GALNS: variants seen among roughly 807,000 people sequenced by gnomAD.
The protein encoded by GALNS is N-acetylgalactosamine-6-sulfatase.
In GALNS, 65 loss-of-function variants were observed where a neutral mutation model predicts 65.9. The observed-to-expected ratio is 0.99, with a 90% CI of 0.81 to 1.21. The LOEUF (loss-of-function observed/expected upper bound fraction) is 1.21, where lower values mean the gene tolerates loss of function less well. Ranked by LOEUF, GALNS falls within the 50% of genes most tolerant of loss-of-function variation. The probability of loss-of-function intolerance (pLI) is 0.00; values close to 1 mark genes in which losing one functional copy is unlikely to be tolerated. For missense variants in GALNS, 776 were observed against 700.7 expected (o/e 1.11, Z -1.21); for synonymous variants, 346 against 288.9 (o/e 1.20, Z -2.00).
chr16:88,846,549 T>C (rs1967255105), intron 1 of GALNS, among the ~76,000 whole-genome samples: 1 of 143,094 alleles, frequency 7.0e-6, no homozygotes, highest in Non-Finnish European at 1.5e-5. Context: ...GAAGTCTTGC[T>C]GTTGTCGCCC....
intron 9 of GALNS, among the ~76,000 whole-genome samples, chr16:88,827,279 G>C (rs912124799): frequency 6.6e-6 from 1 of 152,178 alleles, no homozygotes; most frequent in African/African-American, 2.4e-5. Context: ...GAGCAGCTCC[G>C]AGTGGCTGGG....
intron 9 of GALNS, 99 bp downstream of exon 9, chr16:88,831,899 C>T (rs374448991): frequency 1.1e-4 from 105 of 990,294 alleles, no homozygotes; most frequent in Middle Eastern, 6.0e-4. Context: ...AGGATGAGCA[C>T]GGGGTGCATG....
intron 1 of GALNS, among the ~76,000 whole-genome samples, chr16:88,847,399 C>T (rs771482159): frequency 1.3e-5 from 2 of 152,162 alleles, no homozygotes; most frequent in African/African-American, 2.4e-5. Flanking sequence ...AAACCTGCCA[C>T]TTTTCTCCAA....
At chr16:88,849,625 G>A (rs780656776) in intron 1 of GALNS, among the ~76,000 whole-genome samples, 9 of 152,020 alleles carry the variant, frequency 5.9e-5, no homozygotes, top group African/African-American at 1.5e-4. Context: ...GTTTTGCCAC[G>A]TTGCCCAGGC....
intron 10 of GALNS, 66 bp downstream of exon 10, chr16:88,826,636 T>G: frequency 6.4e-7 from 1 of 1,571,872 alleles, no homozygotes; most frequent in Non-Finnish European, 8.7e-7. Context: ...GGGTTGCACC[T>G]GATTAGCAGC....
intron 1 of GALNS, among the ~76,000 whole-genome samples, chr16:88,850,853 A>G (rs942270995): frequency 2.0e-5 from 3 of 152,190 alleles, no homozygotes; most frequent in African/African-American, 2.4e-5. Context: ...TTATGCCCAG[A>G]AGGAGGATGC....
At chr16:88,850,596 C>T (rs991245549) in intron 1 of GALNS, among the ~76,000 whole-genome samples, 1 of 152,210 alleles carries the variant, frequency 6.6e-6, no homozygotes, top group Non-Finnish European at 1.5e-5. Context: ...AGTCCCAGGT[C>T]TTGGCGACAG....
chr16:88,843,472 C>T (rs964934557), intron 1 of GALNS: 14 of 340,898 alleles, frequency 4.1e-5, no homozygotes, highest in South Asian at 1.6e-4. Flanking sequence ...GCGTGTACTA[C>T]GTGGGTGTGG....
intron 5 of GALNS, among the ~76,000 whole-genome samples, 155 bp from the exon 6 acceptor site, chr16:88,836,422 G>C (rs1235462739): frequency 6.6e-6 from 1 of 152,198 alleles, no homozygotes; most frequent in African/African-American, 2.4e-5. Context: ...TTGGGAGGCT[G>C]AGGAAGGTGG....
At chr16:88,816,910 C>A (rs1029354673) in intron 13 of GALNS, 1 of 985,336 alleles carries the variant, frequency 1.0e-6, no homozygotes, top group African/African-American at 1.7e-5. Flanking sequence ...ACGCCCAGCC[C>A]GTGTAAACAG....
chr16:88,831,213 G>C (rs943766807), intron 9 of GALNS, among the ~76,000 whole-genome samples: 1 of 152,018 alleles, frequency 6.6e-6, no homozygotes. Context: ...TCCGAGGAGA[G>C]CGGTGAGGCC....
intron 4 of GALNS, among the ~76,000 whole-genome samples, chr16:88,839,498 G>C (rs1218556227): frequency 6.6e-6 from 1 of 152,220 alleles, no homozygotes; most frequent in Non-Finnish European, 1.5e-5. Flanking sequence ...TGGGACTCAA[G>C]TCCCTGCCCT....
At chr16:88,838,869 C>G (rs572028610) in intron 4 of GALNS, 1 of 152,346 alleles carries the variant, frequency 6.6e-6, no homozygotes, top group East Asian at 1.9e-4. Context: ...TTCACCACAG[C>G]AGATTTCTGC....
rs1909416276 is a variant in GALNS, at chr16:88,814,422, C to T, written c.*17G>A. 6.4e-7 allele frequency: 1 copy of T among 1,554,116 alleles called. No individual in the cohort carries two copies. The highest frequency in any genetic ancestry group is 8.7e-7 in the Non-Finnish European group (1 of 1,148,890). On this transcript the variant is annotated 3_prime_UTR_variant, in exon 14 of 14. Coordinates refer to ENST00000268695, the MANE Select transcript of GALNS (RefSeq NM_000512.5). ...GCCAACCGGAGATTCTAGGCCTGGC[C>T]TGAGTCTGCGCAGGTGCTAGTGGGA...
chr16:88,856,860 C>G lies in GALNS; in HGVS notation c.18G>C (p.Ala6=). Residue 6 remains alanine, a synonymous_variant, in exon 1 of 14, where the codon GCG becomes GCC. Coordinates refer to ENST00000268695, the MANE Select transcript of GALNS (RefSeq NM_000512.5). MAAVV[A]ATRWWQLLLV... ...GCAACAGCTGCCACCACCTCGTCGCCGCGACAACCGCCGCCATGGCAACCA... is the reference window on the plus strand; with the variant it reads ...GCAACAGCTGCCACCACCTCGTCGCGGCGACAACCGCCGCCATGGCAACCA... 1 of 1,509,988 alleles carries G rather than the reference C, an allele frequency of 6.6e-7. No individual in the cohort carries two copies. Among genetic ancestry groups the G allele is most frequent in the Non-Finnish European group, 8.8e-7 (1 of 1,138,062 alleles). The allele number at this position is 1,509,988 out of a possible 1,614,324, so 93.5% of individuals were successfully genotyped here. A position where few individuals can be genotyped will look rare whatever the true frequency, so the allele number is the denominator to read the frequency against.
Position 88,814,005 on chromosome 16 carries a change from G to A in GALNS, c.*434C>T, listed in dbSNP as rs888134137. Reference sequence around the variant, plus strand: ...TGGAAGGCTGACTGAACCAATGTACGCCATACACATACTGATCTTGTGTCT... The same window carrying A: ...TGGAAGGCTGACTGAACCAATGTACACCATACACATACTGATCTTGTGTCT... On this transcript the variant is annotated 3_prime_UTR_variant, in exon 14 of 14. Coordinates refer to ENST00000268695, the MANE Select transcript of GALNS (RefSeq NM_000512.5). 2.4e-5 allele frequency: 7 copies of A among 294,438 alleles called. No homozygotes were observed. Among genetic ancestry groups the A allele is most frequent in the South Asian group, 6.6e-5 (2 of 30,180 alleles). 18.2% of individuals were successfully genotyped at this position (294,438 alleles called of 1,614,324 possible). A position where few individuals can be genotyped will look rare whatever the true frequency, so the allele number is the denominator to read the frequency against.
chr16:88,843,234 T>C (rs1468660675), intron 1 of GALNS: 2 of 1,293,896 alleles, frequency 1.5e-6, no homozygotes, highest in Non-Finnish European at 2.0e-6. Flanking sequence ...CCCTCGTATG[T>C]CTGTACACGT....
At chr16:88,848,641 GC>G (rs982088804) in intron 1 of GALNS, among the ~76,000 whole-genome samples, 2 of 152,018 alleles carry the variant, frequency 1.3e-5, no homozygotes, top group Admixed American at 6.5e-5. Flanking sequence ...CCCTGACACT[GC>G]TGGGTCGGGG....
intron 4 of GALNS, chr16:88,837,987 G>A (rs1032556199): frequency 8.6e-5 from 48 of 555,294 alleles, no homozygotes; most frequent in South Asian, 7.8e-4. Context: ...GGGCACAACC[G>A]AGGGCGGCAG....
Sources: allele counts gnomAD v4.1 joint callset (sites outside exome capture counted in the v4.1 genomes callset), GRCh38; gene constraint gnomAD v4.1.1; transcripts MANE v1.5; gene names NCBI Gene and HGNC (gene_info 2026-07-23, HGNC 2026-07-21).